Variants in TANGO6 observed in about 807,000 individuals in gnomAD.
The protein encoded by TANGO6 is transport and Golgi organization protein 6 homolog.
TANGO6 carries 90 observed loss-of-function variants against 114.2 expected under a neutral mutation model. That is an observed-to-expected ratio of 0.79 (90% confidence interval 0.66 to 0.94). TANGO6 has a LOEUF of 0.94. Ranked by LOEUF, TANGO6 falls within the 40% of genes least tolerant of loss-of-function variation. The probability of loss-of-function intolerance (pLI) is 0.00; values close to 1 mark genes in which losing one functional copy is unlikely to be tolerated. For synonymous variants in TANGO6, 477 were observed against 509.8 expected, an observed-to-expected ratio of 0.94 and a Z score of 0.87; for missense variants, 1,274 against 1,315.3, an observed-to-expected ratio of 0.97 and a Z score of 0.49.
At position 68,966,508 on chromosome 16, in the gene TANGO6, AAAAAT is replaced by A. The variant is rs1297488703; in HGVS notation, c.2702-7506_2702-7502del. Reference sequence around the variant, plus strand: ...AACAATGTGAGACTCCATCTCAAAAAAAAATAAAATAAAATAAATAAATAAATAAT... The same window carrying A: ...AACAATGTGAGACTCCATCTCAAAAAAAAATAAAATAAATAAATAAATAAT... On this transcript the variant is annotated intron_variant, in intron 14 of 17. Coordinates refer to ENST00000261778, the MANE Select transcript of TANGO6 (RefSeq NM_024562.2). Among the ~76,000 whole-genome samples the A allele has an allele frequency of 3.3e-5, 5 of 152,106 alleles. No individual in the cohort carries two copies. The East Asian group carries it at 5.8e-4, about 18-fold the overall frequency.
At chr16:69,030,420 G>C (rs1387537741) in intron 16 of TANGO6, among the ~76,000 whole-genome samples, 2 of 151,978 alleles carry the variant, frequency 1.3e-5, no homozygotes, top group Non-Finnish European at 2.9e-5. Flanking sequence ...TAGAAATTAA[G>C]CAGGTAAAAA....
chr16:68,956,127 C>T (rs190704345), intron 14 of TANGO6, among the ~76,000 whole-genome samples: 62 of 151,926 alleles, frequency 4.1e-4, no homozygotes, highest in African/African-American at 1.3e-3. Flanking sequence ...CTCCAGCCTG[C>T]GCAATGGGGT....
At chr16:68,934,905 T>G (rs1323891275) in intron 14 of TANGO6, among the ~76,000 whole-genome samples, 1 of 152,184 alleles carries the variant, frequency 6.6e-6, no homozygotes, top group Admixed American at 6.6e-5. Flanking sequence ...GTGTTGTGTT[T>G]GTTTTTAGTA....
At position 68,854,867 on chromosome 16, in the gene TANGO6, G is replaced by A. The variant is rs566212293; in HGVS notation, c.95-5017G>A. ...TGGGTAGTATAAGTTCTCTAACATT[G>A]TTCTTGACTGTTCTGGGTCTTATAG... On this transcript the variant is annotated intron_variant, in intron 1 of 17. Coordinates refer to ENST00000261778, the MANE Select transcript of TANGO6 (RefSeq NM_024562.2). 6.6e-5 allele frequency among the ~76,000 whole-genome samples: 10 copies of A among 151,968 alleles called. No homozygotes were observed. In the South Asian group the frequency reaches 1.9e-3, roughly 28 times the overall value.
chr16:69,034,907 G>A (rs1289570530), intron 16 of TANGO6: 1 of 149,508 alleles, frequency 6.7e-6, no homozygotes, highest in Non-Finnish European at 1.5e-5. Context: ...CTTGTCAAAG[G>A]CTGTGTCGCT....
Position 68,927,983 on chromosome 16 carries a change from A to G in TANGO6, c.2543A>G (p.Asp848Gly). Reference sequence around the variant, plus strand: ...CAAGAGGTTCTTTTGTCAGCTTATGACCCTCAAATTCCAACACGGGCTGCT... The same window carrying G: ...CAAGAGGTTCTTTTGTCAGCTTATGGCCCTCAAATTCCAACACGGGCTGCT... ...QLQEVLLSAYDPQIPTRAAAL... is the reference protein window; with the variant it reads ...QLQEVLLSAYGPQIPTRAAAL... Residue 848 changes from aspartate (D) to glycine (G), a missense_variant, in exon 13 of 18, where the codon GAC becomes GGC. Asp to Gly is a moderately conservative substitution (Grantham distance 94, BLOSUM62 -1). This residue lies in a region of TANGO6 where 908 missense variants were observed against 910.2 expected (regional missense o/e 1.00). Transcript: ENST00000261778. 6.2e-7 allele frequency: 1 copy of G among 1,613,200 alleles called. No homozygotes were observed. The highest frequency in any genetic ancestry group is 8.5e-7 in the Non-Finnish European group (1 of 1,179,580).
At chr16:68,882,582 G>T (rs1397675377) in intron 7 of TANGO6, among the ~76,000 whole-genome samples, 3 of 152,130 alleles carry the variant, frequency 2.0e-5, no homozygotes, top group Non-Finnish European at 2.9e-5. Flanking sequence ...AATGACACAA[G>T]GGATCTTTTG....
intron 17 of TANGO6, among the ~76,000 whole-genome samples, chr16:69,051,988 A>T (rs1353793101): frequency 1.4e-5 from 2 of 139,286 alleles, no homozygotes; most frequent in East Asian, 4.1e-4. Flanking sequence ...CTGTCGACCC[A>T]GGTGGGAGTG....
At chr16:69,016,386 G>A (rs1339805565) in intron 15 of TANGO6, among the ~76,000 whole-genome samples, 2 of 148,504 alleles carry the variant, frequency 1.3e-5, no homozygotes, top group African/African-American at 2.5e-5. Flanking sequence ...CAACAAGAGC[G>A]AAACTCCATC....
In TANGO6 at chr16:68,968,508, G is replaced by T. The variant is rs1415096559; in HGVS notation, c.2702-5520G>T. 3.3e-5 allele frequency among the ~76,000 whole-genome samples: 5 copies of T among 151,550 alleles called. No homozygotes were observed. In the South Asian group the frequency reaches 8.3e-4, roughly 25 times the overall value. ...GCCTCCCAAGTAGCTGTGATTACAG[G>T]CACCTGCTACCACACTCAGCTAATT... On this transcript the variant is annotated intron_variant, in intron 14 of 17. Coordinates refer to ENST00000261778, the MANE Select transcript of TANGO6 (RefSeq NM_024562.2).
At chr16:68,974,675 CA>C (rs989226440) in intron 15 of TANGO6, among the ~76,000 whole-genome samples, 2 of 151,260 alleles carry the variant, frequency 1.3e-5, no homozygotes, top group Non-Finnish European at 3.0e-5. Context: ...ATAACAACAA[CA>C]AAAAAAACTG....
intron 16 of TANGO6, among the ~76,000 whole-genome samples, chr16:69,039,458 A>C (rs1959741142): frequency 6.6e-6 from 1 of 152,132 alleles, no homozygotes; most frequent in Non-Finnish European, 1.5e-5. Context: ...AACATGGTAA[A>C]ACCCTCATCT....
intron 5 of TANGO6, among the ~76,000 whole-genome samples, chr16:68,875,694 G>A (rs1164814344): frequency 6.6e-6 from 1 of 151,894 alleles, no homozygotes; most frequent in Non-Finnish European, 1.5e-5. Flanking sequence ...GATTGAACCC[G>A]GGAGGCGGAG....
chr16:68,988,029 T>G (rs577581596), intron 15 of TANGO6, among the ~76,000 whole-genome samples: 2 of 152,210 alleles, frequency 1.3e-5, no homozygotes, highest in African/African-American at 4.8e-5. Flanking sequence ...GTTGCGAGGG[T>G]TCTTTATATG....
chr16:68,896,478 A>C (rs1962706567), intron 7 of TANGO6, among the ~76,000 whole-genome samples: 1 of 151,460 alleles, frequency 6.6e-6, no homozygotes, highest in African/African-American at 2.4e-5. Flanking sequence ...ATGCCCAGCT[A>C]ATTTTTATTT....
At chr16:68,869,464 C>T (rs375101293) in intron 4 of TANGO6, among the ~76,000 whole-genome samples, 4 of 152,236 alleles carry the variant, frequency 2.6e-5, no homozygotes, top group East Asian at 1.9e-4. Context: ...GGTGGGAGAG[C>T]GATATCCTGT....
chr16:68,900,622 A>T, intron 8 of TANGO6, 76 bp downstream of exon 8: 1 of 1,190,258 alleles, frequency 8.4e-7, no homozygotes, highest in Non-Finnish European at 1.2e-6. Context: ...TCTTATTTTG[A>T]ATTTATATTT....
chr16:69,018,661 C>T (rs957861381), intron 15 of TANGO6, among the ~76,000 whole-genome samples: 2 of 150,666 alleles, frequency 1.3e-5, no homozygotes, highest in Non-Finnish European at 3.0e-5. Flanking sequence ...CGGTGGCTCA[C>T]GCCTGTAATC....
At chr16:68,938,717 G>A (rs1337003578) in intron 14 of TANGO6, among the ~76,000 whole-genome samples, 2 of 152,044 alleles carry the variant, frequency 1.3e-5, no homozygotes, top group Non-Finnish European at 2.9e-5. Context: ...AGGGAAGTAT[G>A]GGGGCTTATG....
Sources: allele counts gnomAD v4.1 joint callset (sites outside exome capture counted in the v4.1 genomes callset), GRCh38; gene constraint gnomAD v4.1.1; regional missense constraint gnomAD v4.1.1; transcripts MANE v1.5; gene names NCBI Gene and HGNC (gene_info 2026-07-23, HGNC 2026-07-21).